PRKAR1B: variants seen among roughly 807,000 people sequenced by gnomAD.
PRKAR1B encodes protein kinase cAMP-dependent type I regulatory subunit beta.
PRKAR1B carries 22 observed loss-of-function variants against 46.5 expected under a neutral mutation model. The observed-to-expected ratio is 0.47, with a 90% CI of 0.34 to 0.68. The LOEUF is 0.68. Among genes scored for constraint, PRKAR1B ranks in the 30% least tolerant of loss-of-function variants. PRKAR1B has a pLI of 0.01. For missense variants in PRKAR1B, 445 were observed against 535.6 expected (o/e 0.83, Z 1.67); for synonymous variants, 259 against 217.7 (o/e 1.19, Z -1.67).
upstream of PRKAR1B, among the ~76,000 whole-genome samples, chr7:728,618 CA>C (rs1181322498): frequency 1.3e-5 from 2 of 152,226 alleles, no homozygotes; most frequent in East Asian, 3.8e-4. Flanking sequence ...ATTTCTTCTT[CA>C]TCCTCAACCA....
chr7:608,279 C>T (rs146371603), intron 4 of PRKAR1B: 11,188 of 152,274 alleles, frequency 0.073, 1,034 homozygotes, highest in African/African-American at 0.22. Context: ...GCAGGGAGTG[C>T]ACCCACGGGG....
intron 9 of PRKAR1B, among the ~76,000 whole-genome samples, chr7:555,780 T>C (rs966947703): frequency 1.3e-5 from 2 of 152,112 alleles, no homozygotes; most frequent in South Asian, 4.1e-4. Context: ...GCAGATGACA[T>C]CCAGCCCTAC....
chr7:638,980 A>G (rs545858078), intron 4 of PRKAR1B, among the ~76,000 whole-genome samples: 1 of 152,310 alleles, frequency 6.6e-6, no homozygotes, highest in East Asian at 1.9e-4. Context: ...CGGGAGACTG[A>G]GGTAGGAGAA....
chr7:644,197 T>C lies in PRKAR1B; in HGVS notation c.440+33032A>G, dbSNP rs1784521471. Among the ~76,000 whole-genome samples, 2 of 152,176 alleles carry C rather than the reference T, an allele frequency of 1.3e-5. No individual in the cohort carries two copies. The highest frequency in any genetic ancestry group is 6.5e-5 in the Admixed American group (1 of 15,282). On this transcript the variant is annotated intron_variant, in intron 4 of 10. Coordinates refer to ENST00000537384, the MANE Select transcript of PRKAR1B (RefSeq NM_001164760.2). The surrounding 1 kb of genome is among the most constrained non-coding windows in gnomAD (Gnocchi z 4.9). ...CAGCACAGGGCACCGACAGGCGGGA[T>C]GTTCAACCTGCGTCAGGATGAACCC...
At chr7:561,790 G>A (rs1270624243) in intron 9 of PRKAR1B, among the ~76,000 whole-genome samples, 1 of 152,266 alleles carries the variant, frequency 6.6e-6, no homozygotes, top group East Asian at 1.9e-4. Context: ...CGGCCCAGCA[G>A]CTTCCGTGGG....
At chr7:689,121 A>T (rs78703382) in intron 2 of PRKAR1B, among the ~76,000 whole-genome samples, 17 of 120,058 alleles carry the variant, frequency 1.4e-4, no homozygotes, top group East Asian at 8.0e-4. Flanking sequence ...AGAAAAAAAA[A>T]TTTTTTTTTT....
intron 2 of PRKAR1B, among the ~76,000 whole-genome samples, chr7:704,773 T>A (rs76670679): frequency 3.2e-3 from 489 of 151,194 alleles, no homozygotes; most frequent in Admixed American, 8.7e-3. Flanking sequence ...TGTCTCGGAG[T>A]AAATAAATAA....
At chr7:590,856 G>A (rs970283816) in intron 7 of PRKAR1B, among the ~76,000 whole-genome samples, 1 of 152,194 alleles carries the variant, frequency 6.6e-6, no homozygotes, top group African/African-American at 2.4e-5. Flanking sequence ...CAGTGACAAC[G>A]ATCTTTTCAG....
At chr7:588,011 G>A (rs138444668) in intron 7 of PRKAR1B, among the ~76,000 whole-genome samples, 3,539 of 152,296 alleles carry the variant, frequency 0.023, 120 homozygotes, top group African/African-American at 0.074. Context: ...CTTATTCTGG[G>A]CCCTGGTGGC....
chr7:702,156 G>A (rs1489400852), intron 2 of PRKAR1B, among the ~76,000 whole-genome samples: 1 of 152,072 alleles, frequency 6.6e-6, no homozygotes, highest in Admixed American at 6.6e-5. Flanking sequence ...ACTTGAAATG[G>A]TAAAATATCA....
chr7:624,865 A>G (rs1246260897), intron 4 of PRKAR1B, among the ~76,000 whole-genome samples: 5 of 152,252 alleles, frequency 3.3e-5, no homozygotes. Flanking sequence ...ATAAAAAAAG[A>G]GAATCAGTAA....
intron 1 of PRKAR1B, among the ~76,000 whole-genome samples, chr7:715,883 T>G (rs1380201612): frequency 6.6e-6 from 1 of 151,654 alleles, no homozygotes; most frequent in Non-Finnish European, 1.5e-5. Flanking sequence ...GCCCGGCTAA[T>G]TTTTTGTATT....
In PRKAR1B at chr7:685,337, CGTATATATAT is replaced by C. The variant is rs1562615884; in HGVS notation, c.178-4621_178-4612del. ...ATATACGTATATATACGTATATATA[CGTATATATAT>C]GTATACATATATATATACACATATA... On this transcript the variant is annotated intron_variant, in intron 2 of 10. Transcript: ENST00000537384. Among the ~76,000 whole-genome samples the C allele has an allele frequency of 6.2e-3, 309 of 49,456 alleles. 44 individuals carry two copies. The highest frequency in any genetic ancestry group is 8.9e-3 in the Non-Finnish European group (243 of 27,372). 32.4% of individuals were successfully genotyped at this position (49,456 alleles called of 152,430 possible).
At chr7:630,820 C>G (rs1405110945) in intron 4 of PRKAR1B, among the ~76,000 whole-genome samples, 1 of 152,198 alleles carries the variant, frequency 6.6e-6, no homozygotes, top group Non-Finnish European at 1.5e-5. Flanking sequence ...CCCCCACCAT[C>G]TCCAGGGAGC....
intron 8 of PRKAR1B, among the ~76,000 whole-genome samples, chr7:583,572 A>G (rs9770448): frequency 0.37 from 44,662 of 120,896 alleles, 9,402 homozygotes; most frequent in African/African-American, 0.43. Context: ...ACACCCATGC[A>G]CACACACTTG....
intron 9 of PRKAR1B, chr7:565,299 G>C (rs545699825): frequency 6.6e-6 from 1 of 152,340 alleles, no homozygotes; most frequent in South Asian, 2.1e-4. Flanking sequence ...CCAAGGAGGA[G>C]CACAAATGCT....
rs566983087 is a variant in PRKAR1B at position 580,967 on chromosome 7, G to A, written c.770-1590C>T. Among the ~76,000 whole-genome samples the A allele has an allele frequency of 1.1e-4, 17 of 152,216 alleles. No homozygotes were observed. In the South Asian group the frequency reaches 2.9e-3, roughly 26 times the overall value. On this transcript the variant is annotated intron_variant, in intron 8 of 10. Transcript: ENST00000537384. Reference sequence around the variant, plus strand: ...ATTCTGCAGCATAGGGAAGGGGGGCGAGGACCCCACAACCAGAGCTGTTTG... The same window carrying A: ...ATTCTGCAGCATAGGGAAGGGGGGCAAGGACCCCACAACCAGAGCTGTTTG...
At chr7:645,221 T>A (rs2128487013) in intron 4 of PRKAR1B, among the ~76,000 whole-genome samples, 1 of 152,154 alleles carries the variant, frequency 6.6e-6, no homozygotes, top group African/African-American at 2.4e-5. Context: ...GTCCTCTCCC[T>A]CCTACAGAAA....
chr7:604,779 T>G (rs1384989979), intron 6 of PRKAR1B, among the ~76,000 whole-genome samples: 1 of 151,988 alleles, frequency 6.6e-6, no homozygotes, highest in Non-Finnish European at 1.5e-5. Context: ...TCGAAATAGC[T>G]CGTGCTGGGC....
Sources: allele counts gnomAD v4.1 joint callset (sites outside exome capture counted in the v4.1 genomes callset), GRCh38; gene constraint gnomAD v4.1.1; non-coding constraint Gnocchi (gnomAD v3.1); transcripts MANE v1.5; gene names NCBI Gene and HGNC (gene_info 2026-07-23, HGNC 2026-07-21).